Variants in ZFPM2 observed in about 807,000 individuals in gnomAD.
The protein encoded by ZFPM2 is zinc finger protein, FOG family member 2.
Under a neutral mutation model 98.6 loss-of-function variants are expected in ZFPM2, and 20 were observed. The observed-to-expected ratio is 0.20, with a 90% confidence interval of 0.14 to 0.29. ZFPM2 has a LOEUF of 0.29. Among genes scored for constraint, ZFPM2 ranks in the 10% least tolerant of loss-of-function variants. ZFPM2 has a pLI of 1.00. For missense variants in ZFPM2, 1,310 were observed against 1,388.6 expected (o/e 0.94, Z 0.90); for synonymous variants, 518 against 502.7 (o/e 1.03, Z -0.41).
chr8:105,649,928 A>G lies in ZFPM2; in HGVS notation c.532+15571A>G, dbSNP rs1006421090. ...GTTAGGGAGGATTCCCTCTTTTTCT[A>G]TTGATTGGAATAGTTTCAGAAAGAA... On this transcript the variant is annotated intron_variant, in intron 5 of 7. Coordinates refer to ENST00000407775, the MANE Select transcript of ZFPM2 (RefSeq NM_012082.4). Among the ~76,000 whole-genome samples, 7 of 152,026 alleles carry G rather than the reference A, an allele frequency of 4.6e-5. 1 individual carries two copies. Among genetic ancestry groups the G allele is most frequent in the African/African-American group, 4.8e-5 (2 of 41,380 alleles).
chr8:105,527,825 A>G (rs1814208633), intron 3 of ZFPM2, among the ~76,000 whole-genome samples: 1 of 152,184 alleles, frequency 6.6e-6, no homozygotes, highest in Admixed American at 6.5e-5. Flanking sequence ...AATCATGAAG[A>G]AAGTGTGGCA....
chr8:105,399,357 CAA>C (rs949053884), intron 1 of ZFPM2, among the ~76,000 whole-genome samples: 76 of 152,178 alleles, frequency 5.0e-4, no homozygotes, highest in African/African-American at 1.7e-3. Context: ...AATAGGGACA[CAA>C]GAAGTAGAGA....
chr8:105,735,060 C>A (rs538261384), intron 5 of ZFPM2, among the ~76,000 whole-genome samples: 89 of 148,074 alleles, frequency 6.0e-4, no homozygotes, highest in African/African-American at 2.0e-3. Flanking sequence ...ATGGCAAAAA[C>A]CACAATTCCC....
At chr8:105,741,777 A>G (rs570978014) in intron 5 of ZFPM2, among the ~76,000 whole-genome samples, 35 of 152,194 alleles carry the variant, frequency 2.3e-4, no homozygotes, top group African/African-American at 7.9e-4. Flanking sequence ...ATGAGATAGG[A>G]TTGCTTTGTG....
intron 5 of ZFPM2, among the ~76,000 whole-genome samples, chr8:105,680,936 T>C (rs1193415471): frequency 2.0e-5 from 3 of 151,940 alleles, no homozygotes; most frequent in African/African-American, 7.3e-5. Flanking sequence ...ACAAACAATA[T>C]AAAGTAATTA....
chr8:105,569,297 A>G (rs539191230), intron 4 of ZFPM2, among the ~76,000 whole-genome samples: 1 of 152,250 alleles, frequency 6.6e-6, no homozygotes, highest in East Asian at 1.9e-4. Flanking sequence ...GAATCAGCAC[A>G]TTAATTTTTT....
In ZFPM2 at chr8:105,803,498, A is replaced by C. The variant is rs769869478; in HGVS notation, c.3416A>C (p.Lys1139Thr). ...CTTTCAAACTTTATAACTCACAAGA[A>C]GTTTTATTGCTCATCACATGCAGCA... ...NNLSNFITHK[K>T]FYCSSHAAEH... The change falls in exon 8 of 8, where the codon AAG becomes ACG. Residue 1139 changes from lysine to threonine, a missense_variant. Coordinates refer to ENST00000407775, the MANE Select transcript of ZFPM2 (RefSeq NM_012082.4). 1 of 1,612,354 alleles carries C rather than the reference A, an allele frequency of 6.2e-7. No individual in the cohort carries two copies.
At chr8:105,347,413 C>T (rs1308622867) in intron 1 of ZFPM2, among the ~76,000 whole-genome samples, 1 of 152,000 alleles carries the variant, frequency 6.6e-6, no homozygotes, top group South Asian at 2.1e-4. Context: ...TAAGATATAT[C>T]CATAAACCTT....
intron 3 of ZFPM2, among the ~76,000 whole-genome samples, chr8:105,497,179 G>A (rs1296526162): frequency 6.6e-6 from 1 of 151,628 alleles, no homozygotes; most frequent in Non-Finnish European, 1.5e-5. Flanking sequence ...TAGAGAGCGG[G>A]TTTCACCGTG....
chr8:105,802,589 G>T lies in ZFPM2; in HGVS notation c.2507G>T (p.Cys836Phe). Residue 836 changes from cysteine to phenylalanine, a missense_variant, in exon 8 of 8, where the codon TGT becomes TTT. Cys to Phe is a radical substitution (Grantham distance 205). Transcript: ENST00000407775. ...MDVPIDLSKK[C>F]LSQSERTTTS... is the part of the protein sequence containing the mutation. The stretch of plus-strand genomic sequence containing the variant: ...GTGCCCATAGATCTCAGCAAAAAGT[G>T]TTTATCTCAGTCTGAGCGGACGACC... 3 of 1,610,420 alleles carry T rather than the reference G, an allele frequency of 1.9e-6. No homozygotes were observed. Among genetic ancestry groups the T allele is most frequent in the Non-Finnish European group, 2.5e-6 (3 of 1,178,284 alleles).
At chr8:105,440,525 A>G (rs1480095210) in intron 2 of ZFPM2, among the ~76,000 whole-genome samples, 1 of 152,134 alleles carries the variant, frequency 6.6e-6, no homozygotes, top group Admixed American at 6.5e-5. Flanking sequence ...CAGGAAACTG[A>G]TGATGTGGTC....
intron 3 of ZFPM2, among the ~76,000 whole-genome samples, chr8:105,454,341 AAATT>A (rs1325369932): frequency 3.3e-5 from 5 of 152,226 alleles, no homozygotes; most frequent in African/African-American, 1.2e-4. Flanking sequence ...ATCCTTGAAT[AAATT>A]CAGATTCGAT....
chr8:105,614,987 C>A (rs1742560939), intron 4 of ZFPM2, among the ~76,000 whole-genome samples: 1 of 152,084 alleles, frequency 6.6e-6, no homozygotes, highest in Non-Finnish European at 1.5e-5. Flanking sequence ...TAGTCTAGTG[C>A]AAAACTATTA....
At chr8:105,564,709 G>C (rs1054364257) in intron 4 of ZFPM2, among the ~76,000 whole-genome samples, 9 of 151,998 alleles carry the variant, frequency 5.9e-5, no homozygotes, top group Non-Finnish European at 1.3e-4. Context: ...AACATGATTT[G>C]AGCATGATAA....
At chr8:105,492,053 A>G (rs1371282028) in intron 3 of ZFPM2, among the ~76,000 whole-genome samples, 1 of 152,178 alleles carries the variant, frequency 6.6e-6, no homozygotes, top group Non-Finnish European at 1.5e-5. Context: ...ATACGTGATT[A>G]TTATAGTAGT....
At chr8:105,444,180 G>C in intron 2 of ZFPM2, 100 bp from the exon 3 acceptor site, 1 of 887,386 alleles carries the variant, frequency 1.1e-6, no homozygotes, top group Non-Finnish European at 1.8e-6. Context: ...TAACAAACCT[G>C]TAATTAGATA....
At chr8:105,473,823 T>C (rs567951400) in intron 3 of ZFPM2, among the ~76,000 whole-genome samples, 83 of 152,350 alleles carry the variant, frequency 5.4e-4, no homozygotes, top group African/African-American at 1.5e-3. Context: ...TGAGTGTGTA[T>C]ATATAAATAT....
chr8:105,699,989 A>C (rs1811106038), intron 5 of ZFPM2, among the ~76,000 whole-genome samples: 2 of 152,240 alleles, frequency 1.3e-5, no homozygotes, highest in African/African-American at 4.8e-5. Context: ...TTGATAACAA[A>C]GTAATTAAAA....
At position 105,561,309 on chromosome 8, in the gene ZFPM2, C is replaced by A; in HGVS notation, c.302-54C>A. On this transcript the variant is annotated intron_variant, in intron 3 of 7. Coordinates refer to ENST00000407775, the MANE Select transcript of ZFPM2 (RefSeq NM_012082.4). ...AAAGCAAACACACAAAAAGAGGTGG[C>A]TGCTGATAAAGTACAAGTAAGTATT... is the stretch of plus-strand genomic sequence containing the variant. 3.7e-6 allele frequency: 5 copies of A among 1,357,732 alleles called. No homozygotes were observed. The South Asian group carries it at 4.8e-5, about 13-fold the overall frequency. 84.1% of individuals were successfully genotyped at this position (1,357,732 alleles called of 1,614,324 possible).
Sources: allele counts gnomAD v4.1 joint callset (sites outside exome capture counted in the v4.1 genomes callset), GRCh38; gene constraint gnomAD v4.1.1; transcripts MANE v1.5; gene names NCBI Gene and HGNC (gene_info 2026-07-23, HGNC 2026-07-21).